DIAPH2: variants seen among roughly 807,000 people sequenced by gnomAD.
DIAPH2 encodes diaphanous related formin 2, also known as protein diaphanous homolog 2.
DIAPH2 carries 35 observed loss-of-function variants against 92.7 expected under a neutral mutation model. The observed-to-expected ratio is 0.38, with a 90% CI of 0.29 to 0.50. The LOEUF (loss-of-function observed/expected upper bound fraction) is 0.50, where lower values mean the gene tolerates loss of function less well. Ranked by LOEUF, DIAPH2 falls within the 20% of genes least tolerant of loss-of-function variation. DIAPH2 has a pLI of 0.94. For synonymous variants in DIAPH2, 301 were observed against 280.4 expected (o/e 1.07, Z -0.73); for missense variants, 701 against 819.5 (o/e 0.86, Z 1.77).
intron 26 of DIAPH2, among the ~76,000 whole-genome samples, chrX:97,576,792 A>G (rs1219739888): frequency 9.0e-6 from 1 of 111,677 alleles, no homozygotes; most frequent in African/African-American, 3.2e-5. Flanking sequence ...TCCATAAGAA[A>G]GTCATATCTC....
intron 25 of DIAPH2, among the ~76,000 whole-genome samples, chrX:97,422,540 A>G (rs186976565): frequency 8.9e-6 from 1 of 112,346 alleles, no homozygotes; most frequent in East Asian, 2.8e-4. Flanking sequence ...ATTGGTTCAT[A>G]GCAACTTTTT....
At chrX:96,918,857 A>G (rs2065522766) in intron 9 of DIAPH2, among the ~76,000 whole-genome samples, 1 of 112,214 alleles carries the variant, frequency 8.9e-6, no homozygotes, top group South Asian at 3.7e-4. Flanking sequence ...TAATTAATGT[A>G]ATAAACCAGG....
chrX:96,869,728 C>T (rs890978322), intron 4 of DIAPH2, among the ~76,000 whole-genome samples: 6 of 110,287 alleles, frequency 5.4e-5, no homozygotes, highest in African/African-American at 2.0e-4. Context: ...CAATTGTTAA[C>T]GAAAGTACTC....
At chrX:96,864,515 G>T (rs1044502100) in intron 4 of DIAPH2, among the ~76,000 whole-genome samples, 1 of 111,626 alleles carries the variant, frequency 9.0e-6, no homozygotes, top group Non-Finnish European at 1.9e-5. Context: ...ATTAAACAAA[G>T]AATATTATTT....
At chrX:97,029,083 A>G (rs2066354574) in intron 17 of DIAPH2, among the ~76,000 whole-genome samples, 1 of 107,973 alleles carries the variant, frequency 9.3e-6, no homozygotes, top group Non-Finnish European at 1.9e-5. Flanking sequence ...TCATTTATTT[A>G]TTGCCTATTT....
chrX:96,859,937 G>A (rs1024958505), intron 4 of DIAPH2, among the ~76,000 whole-genome samples: 4 of 111,544 alleles, frequency 3.6e-5, no homozygotes, highest in South Asian at 3.7e-4. Flanking sequence ...CACCATGCCC[G>A]CCCTAGATTA....
chrX:97,321,555 T>A (rs1418532438), intron 23 of DIAPH2, among the ~76,000 whole-genome samples: 7 of 87,255 alleles, frequency 8.0e-5, no homozygotes, highest in African/African-American at 2.6e-4. Flanking sequence ...TTTTTTTTTT[T>A]TTTTTTTTTT....
At chrX:96,797,901 T>C (rs1356349009) in intron 4 of DIAPH2, among the ~76,000 whole-genome samples, 2 of 112,812 alleles carry the variant, frequency 1.8e-5, no homozygotes, top group Non-Finnish European at 3.7e-5. Context: ...TTGAGGTGTT[T>C]TTAATTTTTA....
intron 4 of DIAPH2, among the ~76,000 whole-genome samples, chrX:96,807,342 T>C (rs2064635894): frequency 8.9e-6 from 1 of 111,752 alleles, no homozygotes; most frequent in South Asian, 3.8e-4. Flanking sequence ...GAGTTTATTT[T>C]AGCAAATAAA....
intron 1 of DIAPH2, among the ~76,000 whole-genome samples, chrX:96,717,816 GTATATATATATA>G (rs61272505): frequency 0.033 from 1,189 of 36,352 alleles, 43 homozygotes; most frequent in African/African-American, 0.075. Flanking sequence ...TGGGTATATA[GTATATATATATA>G]TATATATATA....
At chrX:97,041,695 C>T (rs145712859) in intron 17 of DIAPH2, among the ~76,000 whole-genome samples, 1 of 111,263 alleles carries the variant, frequency 9.0e-6, no homozygotes, top group African/African-American at 3.3e-5. Flanking sequence ...GGGTTGATTT[C>T]TTTTTACCTA....
At chrX:96,845,961 T>A (rs1282290566) in intron 4 of DIAPH2, among the ~76,000 whole-genome samples, 2 of 109,670 alleles carry the variant, frequency 1.8e-5, no homozygotes, top group African/African-American at 3.3e-5. Context: ...TTGTATTTTT[T>A]ATTTATTTTT....
intron 19 of DIAPH2, among the ~76,000 whole-genome samples, chrX:97,095,802 A>G (rs1033626839): frequency 5.3e-5 from 6 of 112,254 alleles, no homozygotes; most frequent in Non-Finnish European, 1.1e-4. Context: ...ATTCGTAGAA[A>G]TTCCTTCACT....
chrX:96,913,054 A>G (rs906239866), intron 7 of DIAPH2, among the ~76,000 whole-genome samples: 11 of 110,162 alleles, frequency 1.0e-4, no homozygotes, highest in Non-Finnish European at 7.6e-5. Flanking sequence ...ACTTCTGTAG[A>G]TCTAAATCTT....
chrX:97,113,212 A>T (rs936942923), intron 20 of DIAPH2, among the ~76,000 whole-genome samples: 84 of 111,714 alleles, frequency 7.5e-4, no homozygotes, highest in African/African-American at 2.6e-3. Flanking sequence ...ATAAGAGTTT[A>T]AAGTTTTTTC....
At chrX:96,967,204 T>C (rs1408977076) in intron 17 of DIAPH2, among the ~76,000 whole-genome samples, 1 of 110,245 alleles carries the variant, frequency 9.1e-6, no homozygotes, top group East Asian at 2.9e-4. Context: ...CCTCCCTCTG[T>C]TCTCTATTAG....
At chrX:97,084,172 T>A (rs2066767331) in intron 19 of DIAPH2, among the ~76,000 whole-genome samples, 2 of 111,088 alleles carry the variant, frequency 1.8e-5, no homozygotes, top group African/African-American at 6.5e-5. Context: ...TTCTCTGAAG[T>A]GAAGAGAGCT....
intron 4 of DIAPH2, among the ~76,000 whole-genome samples, chrX:96,759,750 G>GT (rs2064256292): frequency 9.0e-6 from 1 of 111,475 alleles, no homozygotes; most frequent in African/African-American, 3.2e-5. Flanking sequence ...TGTTGTTTGT[G>GT]TAAGTGGGAC....
intron 16 of DIAPH2, among the ~76,000 whole-genome samples, chrX:96,963,816 A>C (rs771629092): frequency 2.1e-4 from 23 of 111,074 alleles, no homozygotes; most frequent in Non-Finnish European, 4.2e-4. Context: ...AGTCAGCTGA[A>C]GCCTATTCCC....
Sources: gnomAD v4.1 joint callset for allele counts (sites outside exome capture counted in the v4.1 genomes callset) on GRCh38, gnomAD v4.1.1 for gene constraint, MANE v1.5 for transcripts, NCBI Gene and HGNC (gene_info 2026-07-23, HGNC 2026-07-21) for gene names.